The following EYA4 variants were observed in gnomAD, a reference collection of about 807,000 sequenced individuals.
EYA4 encodes the protein EYA transcriptional coactivator and phosphatase 4, also known as protein phosphatase EYA4.
In EYA4, 31 loss-of-function variants were observed where a neutral mutation model predicts 87.9. The ratio of observed to expected loss-of-function variants is 0.35; its 90% CI spans 0.27 to 0.48. EYA4 has a LOEUF of 0.48. EYA4 is among the 20% of genes least tolerant of loss of function. The probability of loss-of-function intolerance (pLI) is 0.99; values close to 1 mark genes in which losing one functional copy is unlikely to be tolerated. For synonymous variants in EYA4, 263 were observed against 270.6 expected (o/e 0.97, Z 0.28); for missense variants, 678 against 761.4 (o/e 0.89, Z 1.29).
At chr6:133,504,877 C>T (rs2128756877) in intron 13 of EYA4, among the ~76,000 whole-genome samples, 1 of 152,256 alleles carries the variant, frequency 6.6e-6, no homozygotes, top group East Asian at 1.9e-4. Context: ...TCTTGAAATG[C>T]CAACTATTAG....
intron 1 of EYA4, among the ~76,000 whole-genome samples, chr6:133,268,376 A>G (rs775752461): frequency 1.2e-4 from 18 of 152,178 alleles, no homozygotes; most frequent in Non-Finnish European, 2.4e-4. Flanking sequence ...TTTGCAATCC[A>G]ATGCAGTATT....
intron 3 of EYA4, among the ~76,000 whole-genome samples, chr6:133,424,970 C>G (rs1790540264): frequency 6.6e-6 from 1 of 150,810 alleles, no homozygotes; most frequent in Non-Finnish European, 1.5e-5. Context: ...CCTCCAATCT[C>G]TTGGCAACCA....
intron 11 of EYA4, among the ~76,000 whole-genome samples, chr6:133,475,827 A>G (rs1795674895): frequency 6.6e-6 from 1 of 152,128 alleles, no homozygotes; most frequent in Admixed American, 6.6e-5. Context: ...TTATCAGAAG[A>G]AAGGATAGCA....
At chr6:133,447,904 C>T (rs933503530) in intron 4 of EYA4, among the ~76,000 whole-genome samples, 14 of 152,154 alleles carry the variant, frequency 9.2e-5, no homozygotes, top group African/African-American at 3.1e-4. Context: ...CTCAAGCACT[C>T]TAGGAACAGA....
At chr6:133,340,490 G>T (rs1782700822) in intron 2 of EYA4, among the ~76,000 whole-genome samples, 1 of 152,164 alleles carries the variant, frequency 6.6e-6, no homozygotes, top group African/African-American at 2.4e-5. Flanking sequence ...AGGTGAGAGA[G>T]AATTAAATTA....
chr6:133,456,846 G>T (rs1004201614), intron 6 of EYA4, among the ~76,000 whole-genome samples, 198 bp downstream of exon 6: 1 of 152,138 alleles, frequency 6.6e-6, no homozygotes, highest in Non-Finnish European at 1.5e-5. Context: ...AATTTCGCTT[G>T]ATATTTTAGT....
At chr6:133,292,674 C>A (rs925717455) in intron 2 of EYA4, among the ~76,000 whole-genome samples, 1 of 152,128 alleles carries the variant, frequency 6.6e-6, no homozygotes, top group African/African-American at 2.4e-5. Context: ...AGGAGTTGAT[C>A]TAAAAGGAAA....
intron 3 of EYA4, among the ~76,000 whole-genome samples, chr6:133,446,372 ATATGT>A (rs1283272704): frequency 6.6e-6 from 1 of 152,146 alleles, no homozygotes; most frequent in Non-Finnish European, 1.5e-5. Context: ...TTATGTTATA[ATATGT>A]TATAATAACG....
At chr6:133,253,461 C>T (rs998184689) in intron 1 of EYA4, among the ~76,000 whole-genome samples, 1 of 152,052 alleles carries the variant, frequency 6.6e-6, no homozygotes, top group African/African-American at 2.4e-5. Flanking sequence ...TCACATATCT[C>T]CTTTCTCAGG....
chr6:133,278,684 C>T (rs982903999), intron 2 of EYA4, among the ~76,000 whole-genome samples: 8 of 152,010 alleles, frequency 5.3e-5, no homozygotes, highest in Non-Finnish European at 1.0e-4. Flanking sequence ...TGCATATGAC[C>T]AAAATAAAGT....
chr6:133,415,949 C>G (rs925776697), intron 3 of EYA4, among the ~76,000 whole-genome samples: 2 of 152,218 alleles, frequency 1.3e-5, no homozygotes, highest in South Asian at 4.1e-4. Flanking sequence ...ATAAACACTT[C>G]CAGCAAATGG....
intron 2 of EYA4, among the ~76,000 whole-genome samples, chr6:133,380,685 A>G (rs916855631): frequency 9.9e-5 from 15 of 151,946 alleles, no homozygotes; most frequent in African/African-American, 3.6e-4. Context: ...TTTTTTTTTC[A>G]GATATGCTTT....
intron 2 of EYA4, among the ~76,000 whole-genome samples, chr6:133,348,313 G>A (rs1353654543): frequency 8.7e-6 from 1 of 114,626 alleles, no homozygotes; most frequent in Non-Finnish European, 1.6e-5. Context: ...TCGCTCTGTT[G>A]CCCAGGCTGG....
intron 3 of EYA4, among the ~76,000 whole-genome samples, chr6:133,390,723 T>C (rs1028154226): frequency 1.3e-5 from 2 of 152,176 alleles, no homozygotes; most frequent in Non-Finnish European, 2.9e-5. Context: ...AGTAAAATCA[T>C]GTATGTGTGA....
chr6:133,525,225 G>T lies in EYA4; in HGVS notation c.1810G>T (p.Gly604Cys), dbSNP rs1270529417. The T allele has an allele frequency of 2.5e-6, 4 of 1,613,540 alleles. No individual in the cohort carries two copies. Among genetic ancestry groups the T allele is most frequent in the Non-Finnish European group, 3.4e-6 (4 of 1,179,736 alleles). The change falls in exon 19 of 20, where the codon GGT (glycine) becomes TGT (cysteine). Residue 604 changes from glycine (G) to cysteine (C), a missense_variant. Transcript: ENST00000355286. Reference protein sequence around the residue: ...RKVVYVVIGDGVEEEQAAKKH... With the variant: ...RKVVYVVIGDCVEEEQAAKKH... The stretch of plus-strand genomic sequence containing the variant: ...AGTAGTGTATGTTGTAATTGGGGAT[G>T]GTGTAGAAGAAGAACAGGCAGCAAA...
intron 2 of EYA4, among the ~76,000 whole-genome samples, chr6:133,320,004 T>G (rs1035557350): frequency 6.6e-6 from 1 of 152,148 alleles, no homozygotes; most frequent in African/African-American, 2.4e-5. Flanking sequence ...TGAGCCACCA[T>G]GCCCAGCCTA....
intron 10 of EYA4, among the ~76,000 whole-genome samples, chr6:133,466,473 C>A (rs1794853054): frequency 6.6e-6 from 1 of 152,028 alleles, no homozygotes; most frequent in Non-Finnish European, 1.5e-5. Flanking sequence ...GAAGGTGGGG[C>A]TGGAGTAGAT....
intron 2 of EYA4, among the ~76,000 whole-genome samples, chr6:133,379,677 C>A (rs1786008041): frequency 6.6e-6 from 1 of 152,126 alleles, no homozygotes; most frequent in Non-Finnish European, 1.5e-5. Context: ...TGTCTTGAGT[C>A]TTCACCACCT....
At chr6:133,453,791 A>T (rs1196284528) in intron 5 of EYA4, 1 of 152,106 alleles carries the variant, frequency 6.6e-6, no homozygotes, top group African/African-American at 2.4e-5. Flanking sequence ...AAATTCAGGC[A>T]TTTTAGTAAA....
Sources: allele counts gnomAD v4.1 joint callset (sites outside exome capture counted in the v4.1 genomes callset), GRCh38; gene constraint gnomAD v4.1.1; transcripts MANE v1.5; gene names NCBI Gene and HGNC (gene_info 2026-07-23, HGNC 2026-07-21).